POFUT3: variants seen among roughly 807,000 people sequenced by gnomAD.
POFUT3 encodes protein O-fucosyltransferase 3, also known as GDP-fucose protein O-fucosyltransferase 3.
chr8:33,393,863 A>G, the POFUT3 span, among the ~76,000 whole-genome samples: 1 of 152,210 alleles, frequency 6.6e-6, no homozygotes, highest in Non-Finnish European at 1.5e-5. Context: ...GGAAAAGAGA[A>G]GTGCTTCTGC....
the POFUT3 span, among the ~76,000 whole-genome samples, chr8:33,459,641 C>CAAA: frequency 9.2e-6 from 1 of 108,354 alleles, no homozygotes; most frequent in Non-Finnish European, 2.0e-5. Flanking sequence ...GAAACTGTCT[C>CAAA]AAAAAAAAAA....
chr8:33,442,125 T>C, the POFUT3 span, among the ~76,000 whole-genome samples: 4 of 151,646 alleles, frequency 2.6e-5, no homozygotes, highest in Non-Finnish European at 5.9e-5. Context: ...AATTTTTGTT[T>C]TTCTGTTTTT....
chr8:33,380,204 A>ATATATATATAC, the POFUT3 span, among the ~76,000 whole-genome samples: 25 of 60,384 alleles, frequency 4.1e-4, 1 homozygote, highest in Non-Finnish European at 6.5e-4. Flanking sequence ...TATATATACT[A>ATATATATATAC]TATATATATA....
chr8:33,453,386 G>A, the POFUT3 span: 1 of 1,614,172 alleles, frequency 6.2e-7, no homozygotes, highest in Non-Finnish European at 8.5e-7. Flanking sequence ...CCTGTTGAAG[G>A]TCAATCCTTC....
the POFUT3 span, among the ~76,000 whole-genome samples, chr8:33,448,893 C>T: frequency 1.3e-5 from 2 of 152,052 alleles, no homozygotes; most frequent in Non-Finnish European, 2.9e-5. Flanking sequence ...GAGATCATGC[C>T]ACTGTACTCC....
the POFUT3 span, among the ~76,000 whole-genome samples, chr8:33,408,698 G>C: frequency 6.6e-6 from 1 of 152,086 alleles, no homozygotes; most frequent in African/African-American, 2.4e-5. Flanking sequence ...AGACAAAAAA[G>C]AGAACATAGT....
the POFUT3 span, among the ~76,000 whole-genome samples, chr8:33,354,902 T>C: frequency 6.6e-6 from 1 of 152,330 alleles, no homozygotes; most frequent in East Asian, 1.9e-4. Flanking sequence ...TATGGTCATT[T>C]CCCATAACTA....
At chr8:33,395,199 C>T in the POFUT3 span, among the ~76,000 whole-genome samples, 1 of 152,138 alleles carries the variant, frequency 6.6e-6, no homozygotes, top group Admixed American at 6.5e-5. Context: ...CAAGCCTGGA[C>T]CCTCGGCCCT....
At chr8:33,462,930 C>T in the POFUT3 span, among the ~76,000 whole-genome samples, 1 of 139,602 alleles carries the variant, frequency 7.2e-6, no homozygotes, top group African/African-American at 2.6e-5. Context: ...GACCCTATCT[C>T]AAAAAAAAAA....
At chr8:33,370,269 C>T in the POFUT3 span, among the ~76,000 whole-genome samples, 13 of 147,886 alleles carry the variant, frequency 8.8e-5, no homozygotes, top group Non-Finnish European at 1.8e-4. Context: ...GCAGAAGAAT[C>T]GCTTGAACCC....
the POFUT3 span, among the ~76,000 whole-genome samples, chr8:33,375,603 T>C: frequency 6.6e-6 from 1 of 152,106 alleles, no homozygotes; most frequent in African/African-American, 2.4e-5. Context: ...AACAAAAAAC[T>C]GTATATGTAA....
chr8:33,326,196 T>C, the POFUT3 span, among the ~76,000 whole-genome samples: 2 of 152,116 alleles, frequency 1.3e-5, no homozygotes, highest in Non-Finnish European at 2.9e-5. Context: ...CTCAGAAATC[T>C]CCAGATCCAA....
At chr8:33,450,812 TA>T in the POFUT3 span, among the ~76,000 whole-genome samples, 1 of 152,206 alleles carries the variant, frequency 6.6e-6, no homozygotes, top group Non-Finnish European at 1.5e-5. Flanking sequence ...AACCAACTCT[TA>T]AGTGTACTGA....
At chr8:33,377,488 C>T in the POFUT3 span, 9 of 152,262 alleles carry the variant, frequency 5.9e-5, no homozygotes, top group South Asian at 4.1e-4. Flanking sequence ...CCTTGCATAA[C>T]GGTTTATATG....
At chr8:33,400,618 T>C in the POFUT3 span, among the ~76,000 whole-genome samples, 1 of 152,174 alleles carries the variant, frequency 6.6e-6, no homozygotes, top group Non-Finnish European at 1.5e-5. Flanking sequence ...TTTGTATTTA[T>C]AGTTAGTGAA....
the POFUT3 span, chr8:33,389,068 C>T: frequency 1.2e-6 from 2 of 1,614,064 alleles, no homozygotes; most frequent in Non-Finnish European, 1.7e-6. Context: ...ATTTCCGTTC[C>T]CTGAGAGCTG....
the POFUT3 span, chr8:33,388,973 A>C: frequency 1.9e-6 from 3 of 1,613,874 alleles, no homozygotes; most frequent in Non-Finnish European, 2.5e-6. Context: ...CTTTTCCTGA[A>C]GCCTGATATT....
the POFUT3 span, chr8:33,461,622 T>G: frequency 6.5e-7 from 1 of 1,530,290 alleles, no homozygotes; most frequent in South Asian, 1.2e-5. Context: ...TCCGAGGTTG[T>G]GAGAGGGTCT....
At chr8:33,373,001 G>C in the POFUT3 span, among the ~76,000 whole-genome samples, 17 of 152,176 alleles carry the variant, frequency 1.1e-4, no homozygotes, top group African/African-American at 4.1e-4. Context: ...TTACAGGAGT[G>C]GAAACTAAAC....
Sources: allele counts gnomAD v4.1 joint callset (sites outside exome capture counted in the v4.1 genomes callset), GRCh38; gene constraint gnomAD v4.1.1; transcripts MANE v1.5; gene names NCBI Gene and HGNC (gene_info 2026-07-23, HGNC 2026-07-21).